Variants in AKR1B10 observed in about 807,000 individuals in gnomAD.
AKR1B10 encodes the protein aldo-keto reductase family 1 member B10, also known as ARP.
In AKR1B10, 39 loss-of-function variants were observed where a neutral mutation model predicts 38.9. That is an observed-to-expected ratio of 1.00 (90% CI 0.78 to 1.31). The LOEUF (loss-of-function observed/expected upper bound fraction) is 1.31, where lower values mean the gene tolerates loss of function less well. Among genes scored for constraint, AKR1B10 ranks in the 50% most tolerant of loss-of-function variants. The pLI is 0.00. For missense variants in AKR1B10, 361 were observed against 382.6 expected, an observed-to-expected ratio of 0.94 and a Z score of 0.47; for synonymous variants, 148 against 141.2, an observed-to-expected ratio of 1.05 and a Z score of -0.34.
chr7:134,529,268 C>T (rs1488608962), intron 1 of AKR1B10, among the ~76,000 whole-genome samples: 1 of 152,196 alleles, frequency 6.6e-6, no homozygotes, highest in Admixed American at 6.5e-5. Context: ...CTTGGTGTAT[C>T]TGGAGGAACA....
At chr7:134,534,487 A>T (rs182735018) in intron 4 of AKR1B10, among the ~76,000 whole-genome samples, 9 of 152,314 alleles carry the variant, frequency 5.9e-5, no homozygotes, top group Admixed American at 5.9e-4. Flanking sequence ...TATGGCAAGT[A>T]TGTCAATGTA....
intron 8 of AKR1B10, 39 bp from the exon 9 acceptor site, chr7:134,538,895 TG>T: frequency 6.2e-7 from 1 of 1,611,632 alleles, no homozygotes; most frequent in Non-Finnish European, 8.5e-7. Flanking sequence ...ACAGCTAGAA[TG>T]GCCTTACTGA....
intron 4 of AKR1B10, among the ~76,000 whole-genome samples, chr7:134,533,846 T>C (rs1455548849): frequency 1.3e-5 from 2 of 152,210 alleles, no homozygotes; most frequent in African/African-American, 2.4e-5. Flanking sequence ...TCTCTGGTCA[T>C]TTTTTATTAT....
At chr7:134,538,051 G>A (rs1216050956) in intron 7 of AKR1B10, 143 bp from the exon 8 acceptor site, 4 of 811,454 alleles carry the variant, frequency 4.9e-6, no homozygotes, top group African/African-American at 3.4e-5. Flanking sequence ...TCTGGCACAA[G>A]TCTAATAGCT....
intron 1 of AKR1B10, among the ~76,000 whole-genome samples, chr7:134,528,219 G>A (rs903074303): frequency 1.3e-5 from 2 of 152,222 alleles, no homozygotes; most frequent in Non-Finnish European, 2.9e-5. Context: ...TCAAGCAGCT[G>A]TTGGACTTAA....
At chr7:134,531,416 G>A (rs1172909968) in intron 2 of AKR1B10, among the ~76,000 whole-genome samples, 2 of 152,120 alleles carry the variant, frequency 1.3e-5, no homozygotes, top group African/African-American at 2.4e-5. Context: ...CATCTGGTAG[G>A]ACAAATAGAC....
intron 1 of AKR1B10, among the ~76,000 whole-genome samples, chr7:134,530,160 T>C (rs1437323729): frequency 2.6e-5 from 4 of 152,146 alleles, no homozygotes; most frequent in African/African-American, 9.7e-5. Flanking sequence ...TTATCACCAT[T>C]TGGGGAAATT....
chr7:134,528,395 G>A (rs1175624080), intron 1 of AKR1B10, among the ~76,000 whole-genome samples: 1 of 151,996 alleles, frequency 6.6e-6, no homozygotes, highest in East Asian at 1.9e-4. Context: ...GTGAGACTTG[G>A]GCTAGCAGCA....
At chr7:134,530,915 T>A (rs1161175865) in intron 2 of AKR1B10, 105 bp downstream of exon 2, 16 of 1,420,846 alleles carry the variant, frequency 1.1e-5, no homozygotes, top group Non-Finnish European at 1.4e-5. Context: ...ATGTACCCCT[T>A]TTCATCTCTG....
At chr7:134,531,825 GC>G in intron 2 of AKR1B10, 82 bp from the exon 3 acceptor site, 1 of 1,519,880 alleles carries the variant, frequency 6.6e-7, no homozygotes, top group Non-Finnish European at 9.1e-7. Flanking sequence ...AGATGAGGAT[GC>G]AAATCAAAAA....
At chr7:134,535,656 T>G in intron 4 of AKR1B10, 1 of 969,448 alleles carries the variant, frequency 1.0e-6, no homozygotes, top group Middle Eastern at 5.4e-4. Flanking sequence ...CCCTGACAAC[T>G]GCGGGCTGTA....
intron 1 of AKR1B10, among the ~76,000 whole-genome samples, chr7:134,530,029 G>A (rs1310024160): frequency 6.6e-6 from 1 of 152,054 alleles, no homozygotes; most frequent in Non-Finnish European, 1.5e-5. Flanking sequence ...CATGAGGCTG[G>A]TGCTATTTTT....
intron 4 of AKR1B10, 128 bp from the exon 5 acceptor site, chr7:134,536,522 T>C: frequency 7.0e-7 from 1 of 1,423,928 alleles, no homozygotes; most frequent in Non-Finnish European, 9.3e-7. Flanking sequence ...TAAAATTTCC[T>C]GTGAATGCTT....
chr7:134,533,134 A>C (rs1350399556), intron 4 of AKR1B10, 53 bp downstream of exon 4: 18 of 1,447,676 alleles, frequency 1.2e-5, no homozygotes, highest in Non-Finnish European at 1.7e-5. Context: ...TCAGTTATCC[A>C]TGAGATTCGC....
At chr7:134,528,918 C>T (rs1279951069) in intron 1 of AKR1B10, among the ~76,000 whole-genome samples, 4 of 152,148 alleles carry the variant, frequency 2.6e-5, no homozygotes, top group African/African-American at 9.7e-5. Context: ...GTGAGCACCA[C>T]CCGGCTGTGT....
At chr7:134,532,969 C>A (rs372072517) in intron 3 of AKR1B10, 35 bp from the exon 4 acceptor site, 43 of 1,570,052 alleles carry the variant, frequency 2.7e-5, no homozygotes, top group Non-Finnish European at 3.7e-5. Context: ...TGTCCTGATG[C>A]AGATTCCAGT....
At chr7:134,532,825 A>T (rs546230717) in intron 3 of AKR1B10, among the ~76,000 whole-genome samples, 179 bp from the exon 4 acceptor site, 2 of 152,322 alleles carry the variant, frequency 1.3e-5, no homozygotes, top group African/African-American at 4.8e-5. Context: ...AAATATTAGT[A>T]TGCTACAGTA....
chr7:134,531,938 G>T lies in AKR1B10; in HGVS notation c.265G>T (p.Val89Leu). 1 of 1,614,096 alleles carries T rather than the reference G, an allele frequency of 6.2e-7. No homozygotes were observed. The change falls in exon 3 of 10, where the codon GTG becomes TTG. Residue 89 changes from valine (V) to leucine (L), a missense_variant. By Grantham distance (32) the Val-to-Leu change is conservative (BLOSUM62 1). Around this residue, in one of 3 missense-constraint regions of AKR1B10, gnomAD observed 220 missense variants for 216.1 expected, o/e 1.02. Coordinates refer to ENST00000359579, the MANE Select transcript of AKR1B10 (RefSeq NM_020299.5). Reference sequence around the variant, plus strand: ...GCCCACTTTCTTTGAGAGACCCCTTGTGAGGAAAGCCTTTGAGAAGACCCT... The same window carrying T: ...GCCCACTTTCTTTGAGAGACCCCTTTTGAGGAAAGCCTTTGAGAAGACCCT... The part of the protein sequence containing the change: ...LWPTFFERPL[V>L]RKAFEKTLKD...
intron 4 of AKR1B10, chr7:134,535,612 T>TTTTTTTTG: frequency 1.0e-6 from 1 of 963,234 alleles, no homozygotes; most frequent in Non-Finnish European, 1.2e-6. Flanking sequence ...TTTTTTTCTT[T>TTTTTTTTG]TGAGGCCCAG....
Sources: allele counts gnomAD v4.1 joint callset (sites outside exome capture counted in the v4.1 genomes callset), GRCh38; gene constraint gnomAD v4.1.1; regional missense constraint gnomAD v4.1.1; transcripts MANE v1.5; gene names NCBI Gene and HGNC (gene_info 2026-07-23, HGNC 2026-07-21).